Variants in RAB6A observed in about 807,000 individuals in gnomAD.
RAB6A encodes ras-related protein Rab-6A.
A neutral mutation model predicts 32.3 loss-of-function variants in RAB6A; 8 were observed. The ratio of observed to expected loss-of-function variants is 0.25; its 90% CI spans 0.15 to 0.45. The LOEUF is 0.45. Among genes scored for constraint, RAB6A ranks in the 20% least tolerant of loss-of-function variants. RAB6A has a pLI of 1.00. For synonymous variants in RAB6A, 73 were observed against 82.1 expected, an observed-to-expected ratio of 0.89 and a Z score of 0.60; for missense variants, 104 against 249.4, an observed-to-expected ratio of 0.42 and a Z score of 3.93.
At chr11:73,716,393 T>A (rs1428314427) in intron 4 of RAB6A, 31 bp from the exon 5 acceptor site, 1 of 1,555,892 alleles carries the variant, frequency 6.4e-7, no homozygotes, top group Non-Finnish European at 8.8e-7. Flanking sequence ...GAGAGATTAG[T>A]GTTGCTGAAA....
chr11:73,696,343 A>G (rs4944027), intron 6 of RAB6A, among the ~76,000 whole-genome samples: 139,105 of 152,014 alleles, frequency 0.92, 63,820 homozygotes, highest in East Asian at 1. Flanking sequence ...GATTATAGGC[A>G]CCCACCACCA....
At chr11:73,757,689 T>C (rs1202595414) in intron 1 of RAB6A, among the ~76,000 whole-genome samples, 1 of 152,324 alleles carries the variant, frequency 6.6e-6, no homozygotes, top group South Asian at 2.1e-4. Flanking sequence ...CTCTAAACGA[T>C]TGGTTTCTCT....
intron 6 of RAB6A, among the ~76,000 whole-genome samples, chr11:73,693,920 C>A (rs537323770): frequency 6.6e-6 from 1 of 151,970 alleles, no homozygotes; most frequent in Admixed American, 6.6e-5. Flanking sequence ...TGGCCCTCCC[C>A]CATCCTTATT....
At chr11:73,693,866 A>G (rs1945615271) in intron 6 of RAB6A, among the ~76,000 whole-genome samples, 14 of 151,834 alleles carry the variant, frequency 9.2e-5, no homozygotes, top group Admixed American at 9.2e-4. Context: ...ACTGTTTCAA[A>G]AAAAAAAAAG....
chr11:73,723,682 C>G (rs1457085209), intron 2 of RAB6A, among the ~76,000 whole-genome samples: 2 of 152,042 alleles, frequency 1.3e-5, no homozygotes, highest in East Asian at 1.9e-4. Flanking sequence ...AGCTGAGAAT[C>G]CTGTGGTAAA....
At chr11:73,698,747 G>T (rs903834107) in intron 6 of RAB6A, among the ~76,000 whole-genome samples, 4 of 151,456 alleles carry the variant, frequency 2.6e-5, no homozygotes, top group Non-Finnish European at 5.9e-5. Context: ...GTGCTAGGTA[G>T]TCTTGTATCA....
At chr11:73,715,833 A>T (rs1449226489) in intron 5 of RAB6A, among the ~76,000 whole-genome samples, 7 of 152,122 alleles carry the variant, frequency 4.6e-5, no homozygotes, top group African/African-American at 1.7e-4. Flanking sequence ...ACAAAAATCC[A>T]CACCACTGAA....
Position 73,760,549 on chromosome 11 carries a change from G to C in RAB6A, c.70+17C>G, listed in dbSNP as rs745537585. 1 of 1,597,622 alleles carries C rather than the reference G, an allele frequency of 6.3e-7. No homozygotes were observed. Among genetic ancestry groups the C allele is most frequent in the South Asian group, 1.1e-5 (1 of 88,614 alleles). ...CGCTGCGGCCAGCTGCCAGGAGTAG[G>C]GGAGCCACGCACTCACCGCTTTGCT... On this transcript the variant is annotated intron_variant, in intron 1 of 7. Transcript: ENST00000336083.
At chr11:73,684,585 T>A in intron 6 of RAB6A, among the ~76,000 whole-genome samples, 1 of 152,218 alleles carries the variant, frequency 6.6e-6, no homozygotes, top group East Asian at 1.9e-4. Context: ...ATTGATATAT[T>A]CACTTTATTG....
chr11:73,701,339 C>T (rs1287972296), intron 6 of RAB6A, among the ~76,000 whole-genome samples: 1 of 152,144 alleles, frequency 6.6e-6, no homozygotes, highest in African/African-American at 2.4e-5. Context: ...ACGGTAATAA[C>T]AGGCATGTAA....
In RAB6A at chr11:73,745,453, T is replaced by C. The variant is rs114288916; in HGVS notation, c.71-14630A>G. 6.6e-3 allele frequency among the ~76,000 whole-genome samples: 999 copies of C among 152,128 alleles called. 13 individuals are homozygous for C. Among genetic ancestry groups the C allele is most frequent in the African/African-American group, 0.023 (954 of 41,502 alleles). On this transcript the variant is annotated intron_variant, in intron 1 of 7. Transcript: ENST00000336083. ...GAGACATAAAATTAACCTTAAGAAA[T>C]AGAGACACAGGCCGGGTGCAGTGAC...
rs779038963 is a variant in RAB6A at position 73,679,698 on chromosome 11, G to A, written c.518C>T (p.Ala173Val). 6.2e-7 allele frequency: 1 copy of A among 1,612,448 alleles called. No homozygotes were observed. Among genetic ancestry groups the A allele is most frequent in the East Asian group, 2.2e-5 (1 of 44,800 alleles). Residue 173 changes from alanine to valine, a missense_variant, in exon 7 of 8, where the codon GCT becomes GTT. Physicochemically the swap from Ala to Val is moderately conservative, Grantham distance 64. This residue lies in a region of RAB6A where 33 missense variants were observed against 59.5 expected (regional missense o/e 0.55). Transcript: ENST00000336083. ...CTGTGTGCTTTCCATTCCCGGCAAAGCTGCTGCTACACGTCGAAAGAGCTG... is the reference window on the plus strand; with the variant it reads ...CTGTGTGCTTTCCATTCCCGGCAAAACTGCTGCTACACGTCGAAAGAGCTG... ...VKQLFRRVAA[A>V]LPGMESTQDR... is the part of the protein sequence containing the mutation.
rs1175557685 is a variant in RAB6A, at chr11:73,744,490, AAC to A, written c.71-13669_71-13668del. ...GACACCACTGCACTCCAGCCTGGGC[AAC>A]AGAGTGAGACCCTGTCTCCAAAAAA... On this transcript the variant is annotated intron_variant, in intron 1 of 7. Transcript: ENST00000336083. 4.4e-5 allele frequency among the ~76,000 whole-genome samples: 6 copies of A among 135,652 alleles called. No homozygotes were observed. The South Asian group carries it at 1.4e-3, about 32-fold the overall frequency. The allele number at this position is 135,652 out of a possible 152,430, so 89.0% of individuals were successfully genotyped here. A position where few individuals can be genotyped will look rare whatever the true frequency, so the allele number is the denominator to read the frequency against.
intron 6 of RAB6A, among the ~76,000 whole-genome samples, chr11:73,681,101 C>T (rs1360179878): frequency 6.6e-6 from 1 of 152,152 alleles, no homozygotes; most frequent in Non-Finnish European, 1.5e-5. Flanking sequence ...TGCTGTAACT[C>T]CTTTGTACCA....
chr11:73,690,066 A>G (rs1293277641), intron 6 of RAB6A, among the ~76,000 whole-genome samples: 2 of 152,212 alleles, frequency 1.3e-5, no homozygotes, highest in African/African-American at 4.8e-5. Flanking sequence ...CTATTTCCAT[A>G]ATTTAATACA....
At chr11:73,729,201 C>G (rs1393936714) in intron 2 of RAB6A, among the ~76,000 whole-genome samples, 1 of 152,162 alleles carries the variant, frequency 6.6e-6, no homozygotes, top group African/African-American at 2.4e-5. Context: ...TGGGTTCAAG[C>G]GATTCTCCTG....
chr11:73,739,280 A>ATATAT (rs1389085059), intron 1 of RAB6A, among the ~76,000 whole-genome samples: 24 of 18,406 alleles, frequency 1.3e-3, no homozygotes, highest in African/African-American at 2.6e-3. Context: ...AAAAAAAAAA[A>ATATAT]AAAAATATAT....
chr11:73,741,319 G>C (rs1299448580), intron 1 of RAB6A, among the ~76,000 whole-genome samples: 1 of 152,042 alleles, frequency 6.6e-6, no homozygotes, highest in Non-Finnish European at 1.5e-5. Context: ...TGTATTTTTA[G>C]TAGAGACGGG....
chr11:73,722,167 C>G (rs1429725534), intron 2 of RAB6A, among the ~76,000 whole-genome samples: 2 of 149,580 alleles, frequency 1.3e-5, no homozygotes, highest in Non-Finnish European at 3.0e-5. Context: ...AGCATGAGAA[C>G]AAACTAATAC....
Sources: gnomAD v4.1 joint callset for allele counts (sites outside exome capture counted in the v4.1 genomes callset) on GRCh38, gnomAD v4.1.1 for gene constraint, gnomAD v4.1.1 regional missense constraint, MANE v1.5 for transcripts, NCBI Gene and HGNC (gene_info 2026-07-23, HGNC 2026-07-21) for gene names.